The following PDE4B variants were observed in gnomAD, a reference collection of about 807,000 sequenced individuals.
PDE4B encodes phosphodiesterase 4B, also known as 3',5'-cyclic-AMP phosphodiesterase 4B.
PDE4B carries 20 observed loss-of-function variants against 82.2 expected under a neutral mutation model. The ratio of observed to expected loss-of-function variants is 0.24; its 90% CI spans 0.17 to 0.35. PDE4B has a LOEUF of 0.35. Among genes scored for constraint, PDE4B ranks in the 10% least tolerant of loss-of-function variants. The pLI, the probability that PDE4B is intolerant of heterozygous loss-of-function variation, is 1.00. For synonymous variants in PDE4B, 320 were observed against 318.9 expected, an observed-to-expected ratio of 1.00 and a Z score of -0.04; for missense variants, 655 against 907.2, an observed-to-expected ratio of 0.72 and a Z score of 3.57.
intron 1 of PDE4B, among the ~76,000 whole-genome samples, chr1:65,911,756 A>G (rs1647094468): frequency 6.6e-6 from 1 of 152,158 alleles, no homozygotes; most frequent in Non-Finnish European, 1.5e-5. Context: ...AAATACCTGA[A>G]AAGCCCATGG....
At chr1:65,865,421 G>C (rs1040401857) in intron 1 of PDE4B, among the ~76,000 whole-genome samples, 10 of 152,058 alleles carry the variant, frequency 6.6e-5, no homozygotes, top group Admixed American at 3.9e-4. Flanking sequence ...GGTGCCTCTG[G>C]GGGGTGGCGG....
chr1:66,265,982 G>A, intron 6 of PDE4B, 56 bp from the exon 7 acceptor site: 1 of 1,305,526 alleles, frequency 7.7e-7, no homozygotes, highest in Non-Finnish European at 1.1e-6. Context: ...GGTGTCGGGG[G>A]TGGAATGGGC....
At chr1:66,369,561 T>A (rs1254829296) in intron 16 of PDE4B, among the ~76,000 whole-genome samples, 9 of 152,180 alleles carry the variant, frequency 5.9e-5, no homozygotes, top group Non-Finnish European at 1.0e-4. Flanking sequence ...AATACAGAAA[T>A]GTCCAGATGC....
intron 4 of PDE4B, among the ~76,000 whole-genome samples, chr1:66,252,717 G>A (rs1312406278): frequency 6.6e-6 from 1 of 152,236 alleles, no homozygotes; most frequent in Non-Finnish European, 1.5e-5. Context: ...AGGCTAAGGT[G>A]GGTGGATCGC....
chr1:66,194,574 C>T (rs1178274619), intron 3 of PDE4B, among the ~76,000 whole-genome samples: 1 of 148,382 alleles, frequency 6.7e-6, no homozygotes, highest in African/African-American at 2.5e-5. Flanking sequence ...ATTTCTACTC[C>T]ATGCTGAGCA....
chr1:66,265,204 ATAAGACTTCCAG>A (rs1654946670), intron 6 of PDE4B, among the ~76,000 whole-genome samples: 1 of 152,222 alleles, frequency 6.6e-6, no homozygotes, highest in African/African-American at 2.4e-5. Context: ...GTGTGTCTGA[ATAAGACTTCCAG>A]GTGATTCTGA....
chr1:66,369,652 A>G (rs994782499), intron 16 of PDE4B, among the ~76,000 whole-genome samples: 18 of 152,266 alleles, frequency 1.2e-4, no homozygotes, highest in African/African-American at 4.3e-4. Context: ...GGCTGAGCCA[A>G]GTAGCTGAGA....
At chr1:66,327,611 G>A (rs762265053) in intron 7 of PDE4B, among the ~76,000 whole-genome samples, 3 of 152,118 alleles carry the variant, frequency 2.0e-5, no homozygotes, top group African/African-American at 7.2e-5. Flanking sequence ...ATGAGAATAG[G>A]ATATTTTTCT....
At chr1:66,208,896 A>G (rs1649790408) in intron 3 of PDE4B, among the ~76,000 whole-genome samples, 1 of 152,228 alleles carries the variant, frequency 6.6e-6, no homozygotes, top group Admixed American at 6.5e-5. Context: ...CCATTTACAG[A>G]TGAAAAACTG....
rs190065006 is a variant in PDE4B, at chr1:66,228,281, T to G, written c.282-19179T>G. On this transcript the variant is annotated intron_variant, in intron 3 of 16. Coordinates refer to ENST00000341517, the MANE Select transcript of PDE4B (RefSeq NM_002600.4). ...TGAAGCCAGTTTCTCTGGAGTCAATTCTTCTATCAGTAAAGATCCATTGGT... is the reference window on the plus strand; with the variant it reads ...TGAAGCCAGTTTCTCTGGAGTCAATGCTTCTATCAGTAAAGATCCATTGGT... Among the ~76,000 whole-genome samples the G allele has an allele frequency of 1.1e-3, 162 of 152,300 alleles. 1 individual carries two copies. Among genetic ancestry groups the G allele is most frequent in the Admixed American group, 3.7e-3 (56 of 15,300 alleles).
intron 3 of PDE4B, among the ~76,000 whole-genome samples, chr1:66,041,267 T>G (rs1654354722): frequency 6.6e-6 from 1 of 151,974 alleles, no homozygotes; most frequent in African/African-American, 2.4e-5. Context: ...TGGCTTCTAT[T>G]GATTTTTTAC....
At chr1:65,974,657 A>C (rs970903676) in intron 3 of PDE4B, among the ~76,000 whole-genome samples, 2 of 152,036 alleles carry the variant, frequency 1.3e-5, no homozygotes, top group Admixed American at 6.6e-5. Context: ...ATGGGGGTGG[A>C]ATTTCCCTTG....
intron 1 of PDE4B, among the ~76,000 whole-genome samples, chr1:65,806,163 T>G (rs1470581730): frequency 6.6e-6 from 1 of 152,310 alleles, no homozygotes; most frequent in Admixed American, 6.5e-5. Flanking sequence ...AACATTCTAT[T>G]GACACCTTCT....
chr1:66,264,430 T>A (rs1049897614), intron 6 of PDE4B, among the ~76,000 whole-genome samples: 5 of 152,234 alleles, frequency 3.3e-5, no homozygotes, highest in African/African-American at 1.2e-4. Context: ...TGTGTCAGTA[T>A]GTTTCTTAAA....
intron 1 of PDE4B, among the ~76,000 whole-genome samples, chr1:65,844,530 T>C (rs1646246755): frequency 6.6e-6 from 1 of 152,150 alleles, no homozygotes; most frequent in Non-Finnish European, 1.5e-5. Context: ...CAAAATAACT[T>C]ACTGCCTTAT....
chr1:65,856,365 A>T (rs1033805514), intron 1 of PDE4B, among the ~76,000 whole-genome samples: 6 of 152,066 alleles, frequency 3.9e-5, no homozygotes, highest in Admixed American at 6.5e-5. Context: ...CTGGTGTGTC[A>T]TGTTCCCCTC....
chr1:65,901,027 G>T (rs539954806), intron 1 of PDE4B, among the ~76,000 whole-genome samples: 1 of 152,160 alleles, frequency 6.6e-6, no homozygotes, highest in Non-Finnish European at 1.5e-5. Flanking sequence ...TCCTTGTCTT[G>T]CTTCTGTTCT....
At chr1:65,881,811 T>G (rs1646711591) in intron 1 of PDE4B, among the ~76,000 whole-genome samples, 1 of 152,194 alleles carries the variant, frequency 6.6e-6, no homozygotes, top group Admixed American at 6.5e-5. Context: ...TTTAAAAATA[T>G]TATAGCCTCC....
intron 1 of PDE4B, among the ~76,000 whole-genome samples, chr1:65,906,330 G>A (rs1206606747): frequency 3.9e-5 from 6 of 152,082 alleles, no homozygotes; most frequent in Admixed American, 2.0e-4. Context: ...TTGGCACAGT[G>A]ATAACTCAGA....
Sources: allele counts gnomAD v4.1 joint callset (sites outside exome capture counted in the v4.1 genomes callset), GRCh38; gene constraint gnomAD v4.1.1; transcripts MANE v1.5; gene names NCBI Gene and HGNC (gene_info 2026-07-23, HGNC 2026-07-21).